The following SEPTIN11 variants were observed in gnomAD, a reference collection of about 807,000 sequenced individuals.
SEPTIN11 encodes the protein septin 11.
In SEPTIN11, 25 loss-of-function variants were observed where a neutral mutation model predicts 51.4. The observed-to-expected ratio is 0.49, with a 90% confidence interval of 0.35 to 0.68. The LOEUF (loss-of-function observed/expected upper bound fraction) is 0.68. SEPTIN11 is among the 30% of genes least tolerant of loss of function. The probability of loss-of-function intolerance (pLI) is 0.00; values close to 1 mark genes in which losing one functional copy is unlikely to be tolerated. For synonymous variants in SEPTIN11, 174 were observed against 184.1 expected, an observed-to-expected ratio of 0.95 and a Z score of 0.44; for missense variants, 381 against 520.8, an observed-to-expected ratio of 0.73 and a Z score of 2.61.
At chr4:77,018,021 A>G (rs568908317) in intron 5 of SEPTIN11, among the ~76,000 whole-genome samples, 43 of 152,378 alleles carry the variant, frequency 2.8e-4, no homozygotes, top group African/African-American at 1.0e-3. Context: ...TGTGAGACAC[A>G]CAAGTATTTT....
At position 77,038,356 on chromosome 4, in the gene SEPTIN11, CTG is replaced by C. The variant is rs1727173056; in HGVS notation, c.*3846_*3847del. 1 of 985,706 alleles carries C rather than the reference CTG, an allele frequency of 1.0e-6. No individual in the cohort carries two copies. The highest frequency in any genetic ancestry group is 1.2e-6 in the Non-Finnish European group (1 of 829,900). 61.1% of individuals were successfully genotyped at this position (985,706 alleles called of 1,614,324 possible). On this transcript the variant is annotated 3_prime_UTR_variant, in exon 10 of 10. Coordinates refer to ENST00000264893, the MANE Select transcript of SEPTIN11 (RefSeq NM_018243.4). The stretch of plus-strand genomic sequence containing the variant: ...AAAATAACCAATGTGTTTTCTAAAA[CTG>C]TCGTGTAATCTACTTTCATTGTTAA...
intron 1 of SEPTIN11, among the ~76,000 whole-genome samples, chr4:76,989,269 T>TGAATACCTG (rs1723219960): frequency 6.6e-6 from 1 of 152,144 alleles, no homozygotes; most frequent in Admixed American, 6.5e-5. Context: ...CCTGAATACA[T>TGAATACCTG]AAATGTTATC....
chr4:77,016,160 T>C (rs1725206993), intron 5 of SEPTIN11, among the ~76,000 whole-genome samples: 1 of 152,180 alleles, frequency 6.6e-6, no homozygotes. Flanking sequence ...ATTTTTCACA[T>C]TTCTGGAGCA....
chr4:77,020,473 A>T, intron 6 of SEPTIN11, 29 bp from the exon 7 acceptor site: 1 of 1,609,880 alleles, frequency 6.2e-7, no homozygotes, highest in Non-Finnish European at 8.5e-7. Context: ...TGCTAATCCC[A>T]CTTCCGCCAT....
In SEPTIN11 at chr4:77,036,450, C is replaced by G. The variant is rs1034303841; in HGVS notation, c.*1938C>G. 5 of 1,202,766 alleles carry G rather than the reference C, an allele frequency of 4.2e-6. No homozygotes were observed. Among genetic ancestry groups the G allele is most frequent in the Non-Finnish European group, 5.2e-6 (5 of 962,640 alleles). The allele number at this position is 1,202,766 out of a possible 1,614,324, so 74.5% of individuals were successfully genotyped here. On this transcript the variant is annotated 3_prime_UTR_variant, in exon 10 of 10. Transcript: ENST00000264893. Reference sequence around the variant, plus strand: ...ACCGCTTGTGTGAGCATTTTTGTGGCTTGTACAGAAAGTACACTTTTAAAT... The same window carrying G: ...ACCGCTTGTGTGAGCATTTTTGTGGGTTGTACAGAAAGTACACTTTTAAAT...
At chr4:76,977,048 G>C (rs1405999398) in intron 1 of SEPTIN11, among the ~76,000 whole-genome samples, 2 of 152,114 alleles carry the variant, frequency 1.3e-5, no homozygotes, top group Non-Finnish European at 2.9e-5. Context: ...ATGAGGTAGA[G>C]AAAGAAGAGT....
chr4:76,965,470 G>T (rs1722000503), intron 1 of SEPTIN11, among the ~76,000 whole-genome samples: 1 of 150,428 alleles, frequency 6.6e-6, no homozygotes. Context: ...AAAAAAAGGA[G>T]TCATTTATCA....
rs1189484286 is a variant in SEPTIN11, at chr4:77,014,906, A to G, written c.576A>G (p.Glu192=). ...IAKADTIAKN[E]LHKFKSKIMS... ...AAGCTGACACCATTGCCAAGAATGA[A>G]CTGCACAAATTCAAGAGTAAGATCA... The change falls in exon 5 of 10, where the codon GAA becomes GAG. Residue 192 remains glutamate, a synonymous_variant. Transcript: ENST00000264893. 6.2e-7 allele frequency: 1 copy of G among 1,614,194 alleles called. No homozygotes were observed. Among genetic ancestry groups the G allele is most frequent in the Non-Finnish European group, 8.5e-7 (1 of 1,179,996 alleles).
chr4:77,027,254 G>T (rs913892942), intron 7 of SEPTIN11, among the ~76,000 whole-genome samples: 1 of 152,120 alleles, frequency 6.6e-6, no homozygotes, highest in African/African-American at 2.4e-5. Context: ...TCCTGCCCCA[G>T]CCTCCCAAGT....
rs1553975015 is a variant in SEPTIN11 at position 77,016,615 on chromosome 4, C to CACAT, written c.687+1599_687+1600insCATA. On this transcript the variant is annotated intron_variant, in intron 5 of 9. Transcript: ENST00000264893. The stretch of plus-strand genomic sequence containing the variant: ...ATACACACACATATATATATATACA[C>CACAT]ATATATATATATATACACATATATA... 9.5e-4 allele frequency among the ~76,000 whole-genome samples: 75 copies of CACAT among 79,208 alleles called. 3 individuals carry two copies. The highest frequency in any genetic ancestry group is 1.1e-3 in the Non-Finnish European group (42 of 39,328). The allele number at this position is 79,208 out of a possible 152,430, so 52.0% of individuals were successfully genotyped here. A position where few individuals can be genotyped will look rare whatever the true frequency, so the allele number is the denominator to read the frequency against.
In SEPTIN11 at chr4:77,035,674, A is replaced by G; in HGVS notation, c.*1162A>G. The stretch of plus-strand genomic sequence containing the variant: ...AAGAAATAGAACAGCTGAAGTCTCA[A>G]ATCATTGTCTGGAATTTTCCTCACC... On this transcript the variant is annotated 3_prime_UTR_variant, in exon 10 of 10. Transcript: ENST00000264893. The G allele has an allele frequency of 1.0e-6, 1 of 985,826 alleles. No homozygotes were observed. The highest frequency in any genetic ancestry group is 1.2e-6 in the Non-Finnish European group (1 of 829,928). The allele number at this position is 985,826 out of a possible 1,614,324, so 61.1% of individuals were successfully genotyped here.
intron 9 of SEPTIN11, chr4:77,032,072 A>G (rs976119149): frequency 2.0e-5 from 3 of 152,184 alleles, no homozygotes; most frequent in Admixed American, 6.5e-5. Context: ...GCTATTGTCC[A>G]CTTAGTCTTG....
At chr4:76,986,222 G>C (rs187443781) in intron 1 of SEPTIN11, among the ~76,000 whole-genome samples, 1 of 152,126 alleles carries the variant, frequency 6.6e-6, no homozygotes, top group East Asian at 1.9e-4. Flanking sequence ...TGTTATTCTG[G>C]GGGACTCTCT....
At chr4:76,999,046 A>G (rs1165144723) in intron 2 of SEPTIN11, among the ~76,000 whole-genome samples, 1 of 152,196 alleles carries the variant, frequency 6.6e-6, no homozygotes, top group African/African-American at 2.4e-5. Flanking sequence ...TTTTGCTTTT[A>G]CACAAATGAG....
intron 9 of SEPTIN11, 115 bp downstream of exon 9, chr4:77,031,085 C>T (rs961940514): frequency 1.0e-6 from 1 of 965,562 alleles, no homozygotes; most frequent in East Asian, 2.7e-5. Flanking sequence ...AAGATAAAAG[C>T]AAGTATTTTC....
intron 1 of SEPTIN11, among the ~76,000 whole-genome samples, chr4:76,971,049 T>G (rs1449358190): frequency 6.6e-6 from 1 of 152,228 alleles, no homozygotes; most frequent in Non-Finnish European, 1.5e-5. Flanking sequence ...TATTTACATT[T>G]TAAAAGTTTA....
At chr4:77,040,004 T>C (rs1489030534), downstream of SEPTIN11, 1 of 152,908 alleles carries the variant, frequency 6.5e-6, no homozygotes, top group Non-Finnish European at 1.5e-5. Flanking sequence ...TTTAACATGC[T>C]TTCCTTGTTT....
At chr4:76,956,429 C>G (rs1020275912) in intron 1 of SEPTIN11, among the ~76,000 whole-genome samples, 1 of 152,206 alleles carries the variant, frequency 6.6e-6, no homozygotes, top group Non-Finnish European at 1.5e-5. Flanking sequence ...CCATCTGATT[C>G]AGTCAGTTAA....
intron 3 of SEPTIN11, 49 bp downstream of exon 3, chr4:77,005,845 G>C (rs911069028): frequency 1.3e-5 from 20 of 1,529,028 alleles, no homozygotes; most frequent in Middle Eastern, 3.5e-4. Context: ...GAGATAGCAG[G>C]ATCCATCCCA....
Sources: gnomAD v4.1 joint callset for allele counts (sites outside exome capture counted in the v4.1 genomes callset) on GRCh38, gnomAD v4.1.1 for gene constraint, MANE v1.5 for transcripts, NCBI Gene and HGNC (gene_info 2026-07-23, HGNC 2026-07-21) for gene names.